The following GPR141 variants were observed in gnomAD, a reference collection of about 807,000 sequenced individuals.
The protein encoded by GPR141 is probable G protein-coupled receptor 141.
GPR141 carries 6 observed loss-of-function variants against 6.8 expected under a neutral mutation model. That is an observed-to-expected ratio of 0.88 (90% CI 0.48 to 1.74). The LOEUF (loss-of-function observed/expected upper bound fraction) is 1.74. GPR141 is among the 40% of genes most tolerant of loss of function. GPR141 has a pLI of 0.01. For missense variants in GPR141, 372 were observed against 372.9 expected (o/e 1.00, Z 0.02); for synonymous variants, 140 against 142.3 (o/e 0.98, Z 0.11).
At chr7:37,699,792 ATGT>A (rs1352390134) in intron 2 of GPR141, among the ~76,000 whole-genome samples, 3 of 152,224 alleles carry the variant, frequency 2.0e-5, no homozygotes, top group African/African-American at 7.2e-5. Context: ...GCAAATATAA[ATGT>A]TGTGAGGTTT....
Position 37,740,431 on chromosome 7 carries a change from A to G in GPR141, c.38A>G (p.Asp13Gly), listed in dbSNP as rs775684518. 3.7e-6 allele frequency: 6 copies of G among 1,611,410 alleles called. No homozygotes were observed. The Middle Eastern group carries it at 4.9e-4, about 133-fold the overall frequency. Reference sequence around the variant, plus strand: ...AATACCTCCAGGAATTCCTCTTGCGATCCTATAGTGACACCCCACTTAATC... The same window carrying G: ...AATACCTCCAGGAATTCCTCTTGCGGTCCTATAGTGACACCCCACTTAATC... The part of the protein sequence containing the change: ...GHNTSRNSSC[D>G]PIVTPHLISL... Residue 13 changes from aspartate (D) to glycine (G), a missense_variant, in exon 3 of 3, where the codon GAT becomes GGT. Asp to Gly is a moderately conservative substitution (Grantham distance 94). Coordinates refer to ENST00000334425, the MANE Select transcript of GPR141 (RefSeq NM_001381946.1).
At position 37,741,197 on chromosome 7, in the gene GPR141, C is replaced by A. The variant is rs61729279; in HGVS notation, c.804C>A (p.Ile268=). The A allele has an allele frequency of 0.1, 163,850 of 1,613,220 alleles. 10,251 individuals are homozygous for A. The highest frequency in any genetic ancestry group is 0.23 in the East Asian group (10,415 of 44,872). ...GCAAGGTTGCATTTTATAACGAAAT[C>A]TTCTTGAGTGTAACAGCAATTAGCT... ...CNSKVAFYNE[I]FLSVTAISCY... is the part of the protein sequence containing the mutation. Residue 268 remains isoleucine, a synonymous_variant, in exon 3 of 3, where the codon ATC becomes ATA. Transcript: ENST00000334425.
At chr7:37,722,292 A>G (rs959231140) in intron 2 of GPR141, among the ~76,000 whole-genome samples, 1 of 152,232 alleles carries the variant, frequency 6.6e-6, no homozygotes, top group Non-Finnish European at 1.5e-5. Context: ...ACGGTCGTAT[A>G]AAAGTGCACG....
intron 2 of GPR141, among the ~76,000 whole-genome samples, chr7:37,739,708 G>A (rs1055767560): frequency 6.6e-6 from 1 of 152,136 alleles, no homozygotes; most frequent in Admixed American, 6.6e-5. Flanking sequence ...AATTTGCAAG[G>A]CCTTTGAGAG....
intron 2 of GPR141, among the ~76,000 whole-genome samples, chr7:37,702,688 T>TA (rs959557868): frequency 6.6e-6 from 1 of 151,164 alleles, no homozygotes; most frequent in Non-Finnish European, 1.5e-5. Context: ...TATACATATG[T>TA]AACTAACCTG....
intron 2 of GPR141, among the ~76,000 whole-genome samples, chr7:37,706,790 G>A (rs1562773412): frequency 1.3e-5 from 2 of 152,154 alleles, no homozygotes; most frequent in African/African-American, 2.4e-5. Context: ...AAGTGACAGC[G>A]TGAATTTTGT....
At chr7:37,704,600 C>G (rs1174979793) in intron 2 of GPR141, among the ~76,000 whole-genome samples, 2 of 152,126 alleles carry the variant, frequency 1.3e-5, no homozygotes. Context: ...GTAGGGATTA[C>G]AGTTCAAGAT....
intron 2 of GPR141, among the ~76,000 whole-genome samples, chr7:37,694,906 C>G (rs1809946201): frequency 6.6e-6 from 1 of 152,130 alleles, no homozygotes. Flanking sequence ...ACAGCTCTAT[C>G]CTAAGGCTAG....
chr7:37,707,968 G>A (rs568455975), intron 2 of GPR141, among the ~76,000 whole-genome samples: 1 of 152,250 alleles, frequency 6.6e-6, no homozygotes, highest in African/African-American at 2.4e-5. Context: ...ACCACAGACT[G>A]CCTCTCAAAA....
chr7:37,741,427 A>G lies in GPR141; in HGVS notation c.*116A>G, dbSNP rs1200991689. 5.3e-6 allele frequency: 4 copies of G among 747,930 alleles called. No homozygotes were observed. Among genetic ancestry groups the G allele is most frequent in the Admixed American group, 3.0e-5 (1 of 33,242 alleles). The allele number at this position is 747,930 out of a possible 1,614,324, so 46.3% of individuals were successfully genotyped here. A position where few individuals can be genotyped will look rare whatever the true frequency, so the allele number is the denominator to read the frequency against. On this transcript the variant is annotated 3_prime_UTR_variant, in exon 3 of 3. Transcript: ENST00000334425. ...AAAACCATGCCTTGATGTACCCAAA[A>G]CAAAAGGACTATAAAATGCAAGAGC...
At chr7:37,720,173 G>A (rs538094585) in intron 2 of GPR141, among the ~76,000 whole-genome samples, 38 of 152,188 alleles carry the variant, frequency 2.5e-4, no homozygotes, top group African/African-American at 7.7e-4. Context: ...ACCAGGAGTT[G>A]GGCAGAAGGC....
At chr7:37,699,453 C>T (rs1422507495) in intron 2 of GPR141, among the ~76,000 whole-genome samples, 5 of 152,090 alleles carry the variant, frequency 3.3e-5, no homozygotes, top group African/African-American at 1.2e-4. Flanking sequence ...CCCACCTACT[C>T]GGGAGGCTGA....
chr7:37,729,360 C>G (rs1811800220), intron 2 of GPR141, among the ~76,000 whole-genome samples: 1 of 151,162 alleles, frequency 6.6e-6, no homozygotes, highest in South Asian at 2.1e-4. Flanking sequence ...GCAGCCCTGT[C>G]CCCTGAGAGA....
chr7:37,719,553 A>G (rs1156331095), intron 2 of GPR141, among the ~76,000 whole-genome samples: 1 of 152,190 alleles, frequency 6.6e-6, no homozygotes, highest in African/African-American at 2.4e-5. Flanking sequence ...GATTCTAGCA[A>G]CTTAGTTCCT....
chr7:37,726,839 G>GA (rs1251672413), intron 2 of GPR141, among the ~76,000 whole-genome samples: 1 of 152,148 alleles, frequency 6.6e-6, no homozygotes, highest in Non-Finnish European at 1.5e-5. Context: ...ATCCTTTATA[G>GA]AAAAAATCTG....
At chr7:37,713,042 A>G (rs891968106) in intron 2 of GPR141, among the ~76,000 whole-genome samples, 5 of 152,258 alleles carry the variant, frequency 3.3e-5, no homozygotes, top group Admixed American at 2.6e-4. Context: ...TCTTAATGCC[A>G]GAGCCACAAG....
rs1230472469 is a variant in GPR141 at position 37,740,844 on chromosome 7, G to A, written c.451G>A (p.Val151Ile). The A allele has an allele frequency of 6.2e-7, 1 of 1,614,120 alleles. No individual in the cohort carries two copies. The highest frequency in any genetic ancestry group is 1.7e-5 in the Admixed American group (1 of 60,020). Residue 151 changes from valine to isoleucine, a missense_variant, in exon 3 of 3, where the codon GTT becomes ATT. Val to Ile is a conservative substitution (Grantham distance 29). Coordinates refer to ENST00000334425, the MANE Select transcript of GPR141 (RefSeq NM_001381946.1). ...GGTGATTGTCATTGTGGTACCCCTG[G>A]TTGTCTCCCGGTATGGAATCCATGA... ...TLVIVIVVPL[V>I]VSRYGIHEEY...
intron 2 of GPR141, among the ~76,000 whole-genome samples, chr7:37,688,888 T>C (rs1015859467): frequency 6.6e-6 from 1 of 152,142 alleles, no homozygotes; most frequent in Non-Finnish European, 1.5e-5. Context: ...CCCCTTTCTT[T>C]TAAAAATTAT....
intron 2 of GPR141, among the ~76,000 whole-genome samples, chr7:37,717,595 AC>A (rs1328394721): frequency 6.6e-6 from 1 of 151,562 alleles, no homozygotes; most frequent in African/African-American, 2.4e-5. Flanking sequence ...CTTGTTGTGT[AC>A]TAAATCCTTT....
Sources: gnomAD v4.1 joint callset for allele counts (sites outside exome capture counted in the v4.1 genomes callset) on GRCh38, gnomAD v4.1.1 for gene constraint, MANE v1.5 for transcripts, NCBI Gene and HGNC (gene_info 2026-07-23, HGNC 2026-07-21) for gene names.